Variants in IL1RAPL2 observed in about 807,000 individuals in gnomAD.
IL1RAPL2 encodes the protein X-linked interleukin-1 receptor accessory protein-like 2.
Under a neutral mutation model 44.1 loss-of-function variants are expected in IL1RAPL2, and 3 were observed. That is an observed-to-expected ratio of 0.07 (90% CI 0.03 to 0.18). The LOEUF (loss-of-function observed/expected upper bound fraction) is 0.18, where lower values mean the gene tolerates loss of function less well. Among genes scored for constraint, IL1RAPL2 ranks in the 10% least tolerant of loss-of-function variants. The probability of loss-of-function intolerance (pLI) is 1.00; values close to 1 mark genes in which losing one functional copy is unlikely to be tolerated. For synonymous variants in IL1RAPL2, 181 were observed against 178.8 expected (o/e 1.01, Z -0.10); for missense variants, 391 against 496.4 (o/e 0.79, Z 2.02).
At chrX:105,125,526 T>A (rs1014466091) in intron 2 of IL1RAPL2, among the ~76,000 whole-genome samples, 4 of 111,176 alleles carry the variant, frequency 3.6e-5, no homozygotes, top group Non-Finnish European at 7.6e-5. Context: ...AAACTGTATT[T>A]CATTCAAGCA....
chrX:105,763,542 G>A (rs753098305), intron 10 of IL1RAPL2, among the ~76,000 whole-genome samples: 3 of 111,132 alleles, frequency 2.7e-5, no homozygotes, highest in Non-Finnish European at 5.7e-5. Context: ...AGATAGGATA[G>A]AGAGGAAGAA....
chrX:104,658,661 C>T (rs1930325971), intron 1 of IL1RAPL2, among the ~76,000 whole-genome samples: 1 of 112,140 alleles, frequency 8.9e-6, no homozygotes, highest in Non-Finnish European at 1.9e-5. Context: ...GGAAGGAGTT[C>T]AGATTTCACT....
At chrX:105,041,486 G>T (rs1256195280) in intron 2 of IL1RAPL2, among the ~76,000 whole-genome samples, 1 of 110,484 alleles carries the variant, frequency 9.1e-6, no homozygotes, top group Non-Finnish European at 1.9e-5. Flanking sequence ...GGGTGTTAAA[G>T]TCTCCCATTA....
chrX:105,071,863 A>T (rs2032211299), intron 2 of IL1RAPL2, among the ~76,000 whole-genome samples: 1 of 111,866 alleles, frequency 8.9e-6, no homozygotes, highest in South Asian at 3.7e-4. Flanking sequence ...ATGAAAATCA[A>T]CTCAAAATGT....
intron 2 of IL1RAPL2, among the ~76,000 whole-genome samples, chrX:105,184,346 TA>T (rs1217199842): frequency 9.1e-6 from 1 of 110,265 alleles, no homozygotes; most frequent in Non-Finnish European, 1.9e-5. Flanking sequence ...CTTTTTAACT[TA>T]AAAAAAATTT....
At chrX:105,368,549 G>C (rs1384195745) in intron 5 of IL1RAPL2, among the ~76,000 whole-genome samples, 1 of 111,330 alleles carries the variant, frequency 9.0e-6, no homozygotes. Flanking sequence ...AAAATCTGCT[G>C]GTAATCTTAG....
intron 6 of IL1RAPL2, among the ~76,000 whole-genome samples, chrX:105,679,935 T>G (rs146323742): frequency 0.026 from 2,916 of 111,831 alleles, 93 homozygotes; most frequent in African/African-American, 0.089. Context: ...TTATTATGTG[T>G]GGACCTGAGG....
In IL1RAPL2 at chrX:105,293,783, T is replaced by G. The variant is rs1321384; in HGVS notation, c.697+26242T>G. Among the ~76,000 whole-genome samples, 409 of 111,709 alleles carry G rather than the reference T, an allele frequency of 3.7e-3. 1 individual carries two copies. Among genetic ancestry groups the G allele is most frequent in the African/African-American group, 0.012 (381 of 30,769 alleles). ...AATAATGTGAACCTTCAACTTTGAA[T>G]GGAATGACCTTGAGCTAAGTCCCTC... is the stretch of plus-strand genomic sequence containing the variant. On this transcript the variant is annotated intron_variant, in intron 5 of 10. Transcript: ENST00000372582.
chrX:105,038,372 C>T (rs1462036825), intron 2 of IL1RAPL2, among the ~76,000 whole-genome samples: 1 of 111,532 alleles, frequency 9.0e-6, no homozygotes, highest in Non-Finnish European at 1.9e-5. Flanking sequence ...TGTTTTTCTC[C>T]TAGTTTACTG....
chrX:105,365,879 C>T (rs941117580), intron 5 of IL1RAPL2, among the ~76,000 whole-genome samples: 1 of 110,562 alleles, frequency 9.0e-6, no homozygotes, highest in African/African-American at 3.3e-5. Context: ...TGGGTTCAAG[C>T]GATTCTCGTG....
chrX:105,312,618 A>G (rs2034807282), intron 5 of IL1RAPL2, among the ~76,000 whole-genome samples: 1 of 111,858 alleles, frequency 8.9e-6, no homozygotes. Flanking sequence ...TGCATTTTTT[A>G]AAAGGATATT....
intron 6 of IL1RAPL2, among the ~76,000 whole-genome samples, chrX:105,655,874 T>G (rs6621986): frequency 0.034 from 3,755 of 111,771 alleles, 167 homozygotes; most frequent in African/African-American, 0.11. Context: ...ATGGAGTAAA[T>G]GAGATGTTTT....
At chrX:104,734,484 T>C (rs1208463721) in intron 2 of IL1RAPL2, among the ~76,000 whole-genome samples, 1 of 112,688 alleles carries the variant, frequency 8.9e-6, no homozygotes, top group African/African-American at 3.2e-5. Context: ...GAACTTTTGA[T>C]TCATCCATCA....
At position 105,210,272 on chromosome X, in the gene IL1RAPL2, C is replaced by T. The variant is rs781945912; in HGVS notation, c.356+14524C>T. Reference sequence around the variant, plus strand: ...AACTTCTTTATATTGTTTTGTATTTCTGTGAACATTTAATTACTTTACTGT... The same window carrying T: ...AACTTCTTTATATTGTTTTGTATTTTTGTGAACATTTAATTACTTTACTGT... On this transcript the variant is annotated intron_variant, in intron 3 of 10. Coordinates refer to ENST00000372582, the MANE Select transcript of IL1RAPL2 (RefSeq NM_017416.2). Among the ~76,000 whole-genome samples the T allele has an allele frequency of 2.7e-5, 3 of 111,667 alleles. No individual in the cohort carries two copies. In the East Asian group the frequency reaches 8.5e-4, roughly 32 times the overall value.
intron 5 of IL1RAPL2, among the ~76,000 whole-genome samples, chrX:105,330,178 C>T (rs1292141530): frequency 1.8e-5 from 2 of 111,515 alleles, no homozygotes; most frequent in Non-Finnish European, 3.8e-5. Context: ...CATGTGCACA[C>T]CTTGTTCAGA....
intron 2 of IL1RAPL2, among the ~76,000 whole-genome samples, chrX:104,952,870 T>A (rs773069036): frequency 6.2e-5 from 7 of 112,413 alleles, no homozygotes; most frequent in Admixed American, 4.7e-4. Flanking sequence ...CATAATGGTG[T>A]CTCCCAAGGC....
At chrX:105,261,599 CT>C (rs1157918147) in intron 4 of IL1RAPL2, among the ~76,000 whole-genome samples, 1 of 111,263 alleles carries the variant, frequency 9.0e-6, no homozygotes, top group Non-Finnish European at 1.9e-5. Context: ...ATAAATAGGC[CT>C]TTAGTGTGAG....
intron 6 of IL1RAPL2, among the ~76,000 whole-genome samples, chrX:105,705,114 G>A (rs1428869080): frequency 9.1e-6 from 1 of 110,296 alleles, no homozygotes; most frequent in Non-Finnish European, 1.9e-5. Flanking sequence ...CTATGTAAGA[G>A]GGCTGTGGTA....
At chrX:104,660,933 T>A (rs979097928) in intron 2 of IL1RAPL2, among the ~76,000 whole-genome samples, 1 of 87,112 alleles carries the variant, frequency 1.1e-5, no homozygotes, top group Non-Finnish European at 2.0e-5. Flanking sequence ...ACCCTGTCTA[T>A]ATATATATAT....
Sources: gnomAD v4.1 joint callset for allele counts (sites outside exome capture counted in the v4.1 genomes callset) on GRCh38, gnomAD v4.1.1 for gene constraint, MANE v1.5 for transcripts, NCBI Gene and HGNC (gene_info 2026-07-23, HGNC 2026-07-21) for gene names.